Variants in SETX observed in about 807,000 individuals in gnomAD.
The protein encoded by SETX is senataxin.
A neutral mutation model predicts 227.2 loss-of-function variants in SETX; 90 were observed. The ratio of observed to expected loss-of-function variants is 0.40; its 90% CI spans 0.33 to 0.47. The LOEUF (loss-of-function observed/expected upper bound fraction) is 0.47, where lower values mean the gene tolerates loss of function less well. Ranked by LOEUF, SETX falls within the 20% of genes least tolerant of loss-of-function variation. The probability of loss-of-function intolerance (pLI) is 0.91; values close to 1 mark genes in which losing one functional copy is unlikely to be tolerated. For missense variants in SETX, 3,052 were observed against 3,181.5 expected (o/e 0.96, Z 0.98); for synonymous variants, 1,210 against 1,113.2 (o/e 1.09, Z -1.73).
chr9:132,328,053 T>C lies in SETX; in HGVS notation c.3545A>G (p.Asn1182Ser), dbSNP rs1052216675. 3.1e-6 allele frequency: 5 copies of C among 1,614,164 alleles called. No individual in the cohort carries two copies. Among genetic ancestry groups the C allele is most frequent in the Admixed American group, 1.7e-5 (1 of 60,014 alleles). The change falls in exon 10 of 26, where the codon AAT (asparagine) becomes AGT (serine). Residue 1182 changes from asparagine (N) to serine (S), a missense_variant. Asn to Ser is a conservative substitution (Grantham distance 46, BLOSUM62 1). Coordinates refer to ENST00000224140, the MANE Select transcript of SETX (RefSeq NM_015046.7). The part of the protein sequence containing the change: ...DPVRPSSSVR[N>S]EGQSDTNKRD... Reference sequence around the variant, plus strand: ...CTTATTAGTATCAGACTGGCCCTCATTTCTGACAGAAGATGAAGGCCTCAC... The same window carrying C: ...CTTATTAGTATCAGACTGGCCCTCACTTCTGACAGAAGATGAAGGCCTCAC...
Position 132,261,958 on chromosome 9 carries a change from G to C in SETX, c.*2281C>G, listed in dbSNP as rs1842428219. The C allele has an allele frequency of 6.5e-6, 1 of 154,460 alleles. No individual in the cohort carries two copies. Among genetic ancestry groups the C allele is most frequent in the Non-Finnish European group, 1.5e-5 (1 of 68,236 alleles). The allele number at this position is 154,460 out of a possible 1,614,324, so 9.6% of individuals were successfully genotyped here. On this transcript the variant is annotated 3_prime_UTR_variant, in exon 26 of 26. Transcript: ENST00000224140. Reference sequence around the variant, plus strand: ...CAACGCTGCGCTGACAGCCACATCAGGAGGGGCCACGGTGAACATAGGAAA... The same window carrying C: ...CAACGCTGCGCTGACAGCCACATCACGAGGGGCCACGGTGAACATAGGAAA...
chr9:132,306,667 C>A (rs1220801307), intron 11 of SETX, among the ~76,000 whole-genome samples: 1 of 152,072 alleles, frequency 6.6e-6, no homozygotes, highest in African/African-American at 2.4e-5. Context: ...TTGTTCAAGT[C>A]ATATATATGT....
chr9:132,311,672 T>C, intron 11 of SETX, 85 bp downstream of exon 11: 1 of 999,212 alleles, frequency 1.0e-6, no homozygotes, highest in Non-Finnish European at 1.5e-6. Flanking sequence ...TGTGTCCCCC[T>C]AAATTCAAAT....
At chr9:132,301,890 A>G (rs1845017656) in intron 11 of SETX, among the ~76,000 whole-genome samples, 1 of 152,256 alleles carries the variant, frequency 6.6e-6, no homozygotes, top group Non-Finnish European at 1.5e-5. Flanking sequence ...GTTCAGTACC[A>G]ACTGCCGAAT....
intron 23 of SETX, among the ~76,000 whole-genome samples, chr9:132,272,810 A>G (rs1008239815): frequency 1.1e-4 from 16 of 152,336 alleles, no homozygotes; most frequent in Non-Finnish European, 1.8e-4. Flanking sequence ...GTAGCATGTA[A>G]CAGAACTTCA....
chr9:132,283,109 T>TAA, intron 19 of SETX, 155 bp downstream of exon 19: 1 of 928,036 alleles, frequency 1.1e-6, no homozygotes, highest in Middle Eastern at 2.8e-4. Context: ...CATTAAGGAG[T>TAA]ATATTTCTAC....
chr9:132,335,459 T>A (rs1847559244), intron 6 of SETX, among the ~76,000 whole-genome samples: 1 of 138,344 alleles, frequency 7.2e-6, no homozygotes, highest in South Asian at 2.3e-4. Context: ...TGCTGTCAAC[T>A]CTTTCTACCA....
rs143868969 is a variant in SETX at position 132,297,022 on chromosome 9, T to C, written c.5814A>G (p.Gln1938=). 8 of 1,613,752 alleles carry C rather than the reference T, an allele frequency of 5.0e-6. No homozygotes were observed. The African/African-American group carries it at 8.0e-5, about 16-fold the overall frequency. The change falls in exon 14 of 26, where the codon CAA becomes CAG. Residue 1938 remains glutamine, a synonymous_variant. Coordinates refer to ENST00000224140, the MANE Select transcript of SETX (RefSeq NM_015046.7). ...IAYLRDFNED[Q]KKAIETAYAM... is the part of the protein sequence containing the mutation. ...CATATGCAGTTTCTATTGCTTTCTT[T>C]TGATCTTCATTGAAATCTCTTAAGT...
At chr9:132,351,100 T>C (rs902702743) in intron 2 of SETX, among the ~76,000 whole-genome samples, 22 of 152,336 alleles carry the variant, frequency 1.4e-4, no homozygotes, top group African/African-American at 4.1e-4. Context: ...GAATTACTTA[T>C]ACCTAAGAGG....
chr9:132,329,153 C>T lies in SETX; in HGVS notation c.2445G>A (p.Leu815=). 2 of 1,611,598 alleles carry T rather than the reference C, an allele frequency of 1.2e-6. No individual in the cohort carries two copies. Among genetic ancestry groups the T allele is most frequent in the Non-Finnish European group, 1.7e-6 (2 of 1,179,650 alleles). Residue 815 remains leucine (L), a synonymous_variant, in exon 10 of 26, where the codon TTG becomes TTA. Coordinates refer to ENST00000224140, the MANE Select transcript of SETX (RefSeq NM_015046.7). ...AGAAACTCTCAATGTTAGATACAGT[C>T]AAATTTTCATCTAAATTGATAGTAT... ...VDNTINLDEN[L]TVSNIESFYS...
At position 132,313,805 on chromosome 9, in the gene SETX, T is replaced by C. The variant is rs1845806928; in HGVS notation, c.5275-1949A>G. 2.0e-5 allele frequency among the ~76,000 whole-genome samples: 3 copies of C among 151,848 alleles called. No individual in the cohort carries two copies. The South Asian group carries it at 6.2e-4, about 32-fold the overall frequency. ...TGCAGATGGTTAGAAAACATACTCC[T>C]TTCAAAAGGTGTCAGCTGCTGTAAA... On this transcript the variant is annotated intron_variant, in intron 10 of 25. Coordinates refer to ENST00000224140, the MANE Select transcript of SETX (RefSeq NM_015046.7).
At chr9:132,343,770 AC>A (rs1019143811) in intron 4 of SETX, among the ~76,000 whole-genome samples, 1 of 152,216 alleles carries the variant, frequency 6.6e-6, no homozygotes, top group Non-Finnish European at 1.5e-5. Flanking sequence ...TTGCAAAAAA[AC>A]ATCAGGCTTA....
At chr9:132,348,631 T>C (rs1848442555) in intron 3 of SETX, among the ~76,000 whole-genome samples, 1 of 152,110 alleles carries the variant, frequency 6.6e-6, no homozygotes, top group Non-Finnish European at 1.5e-5. Context: ...TTGACTTATA[T>C]TAGCCTTCAA....
Position 132,297,019 on chromosome 9 carries a change from CT to C in SETX, c.5816del (p.Lys1939ArgfsTer4). ...AYLRDFNEDQ[K>X]KAIETAYAMV... ...TAGCATATGCAGTTTCTATTGCTTT[CT>C]TTTGATCTTCATTGAAATCTCTTAA... On this transcript the variant is annotated frameshift_variant, in exon 14 of 26. Transcript: ENST00000224140. LOFTEE classifies it high-confidence loss of function. 1 of 1,613,808 alleles carries C rather than the reference CT, an allele frequency of 6.2e-7. No homozygotes were observed. Among genetic ancestry groups the C allele is most frequent in the Non-Finnish European group, 8.5e-7 (1 of 1,179,854 alleles).
At chr9:132,345,780 G>C (rs1157837684) in intron 4 of SETX, among the ~76,000 whole-genome samples, 1 of 152,192 alleles carries the variant, frequency 6.6e-6, no homozygotes, top group Non-Finnish European at 1.5e-5. Context: ...AATTTGGGAA[G>C]CTGAGGTGGG....
chr9:132,264,233 G>A lies in SETX; in HGVS notation c.*6C>T, dbSNP rs954779253. 2.5e-6 allele frequency: 4 copies of A among 1,613,794 alleles called. No individual in the cohort carries two copies. The highest frequency in any genetic ancestry group is 3.4e-6 in the Non-Finnish European group (4 of 1,180,028). ...TGTGGCTGCTGGCCCATGTCACTGG[G>A]CTTTCCTATAAAAGCTTTCTTTTCT... On this transcript the variant is annotated 3_prime_UTR_variant, in exon 26 of 26. Coordinates refer to ENST00000224140, the MANE Select transcript of SETX (RefSeq NM_015046.7).
chr9:132,266,410 T>C (rs1050486806), intron 25 of SETX, among the ~76,000 whole-genome samples: 10 of 152,184 alleles, frequency 6.6e-5, no homozygotes, highest in African/African-American at 2.4e-4. Context: ...CAATAAACCA[T>C]TTAAAAATAA....
chr9:132,305,798 T>C (rs1029402814), intron 11 of SETX, among the ~76,000 whole-genome samples: 3 of 152,148 alleles, frequency 2.0e-5, no homozygotes, highest in African/African-American at 7.2e-5. Flanking sequence ...CTGAATGGAA[T>C]TTGTGATTCT....
rs780717865 is a variant in SETX, at chr9:132,296,935, T to C, written c.5901A>G (p.Thr1967=). 1.7e-5 allele frequency: 27 copies of C among 1,614,084 alleles called. No individual in the cohort carries two copies. The highest frequency in any genetic ancestry group is 2.3e-5 in the Non-Finnish European group (27 of 1,180,038). ...GGCCAACAATAGTTTTTGATTTTCC[T>C]GTTCCAGGTGGTCCATGAATCAAGC... ...KICLIHGPPG[T]GKSKTIVGLL... is the part of the protein sequence containing the mutation. The change falls in exon 14 of 26, where the codon ACA becomes ACG. Residue 1967 remains threonine (T), a synonymous_variant. Transcript: ENST00000224140.
Sources: allele counts gnomAD v4.1 joint callset (sites outside exome capture counted in the v4.1 genomes callset), GRCh38; gene constraint gnomAD v4.1.1; transcripts MANE v1.5; gene names NCBI Gene and HGNC (gene_info 2026-07-23, HGNC 2026-07-21).